ANKRD30B: variants seen among roughly 807,000 people sequenced by gnomAD.
The protein encoded by ANKRD30B is ankyrin repeat domain-containing protein 30B.
ANKRD30B carries 144 observed loss-of-function variants against 202.2 expected under a neutral mutation model. That is an observed-to-expected ratio of 0.71 (90% CI 0.62 to 0.82). ANKRD30B has a LOEUF of 0.82. Among genes scored for constraint, ANKRD30B ranks in the 40% least tolerant of loss-of-function variants. ANKRD30B has a pLI of 0.00. For synonymous variants in ANKRD30B, 508 were observed against 561.3 expected, an observed-to-expected ratio of 0.91 and a Z score of 1.34; for missense variants, 1,487 against 1,669.1, an observed-to-expected ratio of 0.89 and a Z score of 1.90.
At chr18:14,796,003 T>A (rs1360713061) in intron 16 of ANKRD30B, among the ~76,000 whole-genome samples, 1 of 152,168 alleles carries the variant, frequency 6.6e-6, no homozygotes, top group Non-Finnish European at 1.5e-5. Context: ...AAAATCTCCA[T>A]AGCAAGTTTG....
At chr18:14,822,224 T>A (rs1970457093) in intron 30 of ANKRD30B, among the ~76,000 whole-genome samples, 1 of 152,160 alleles carries the variant, frequency 6.6e-6, no homozygotes, top group Non-Finnish European at 1.5e-5. Flanking sequence ...TCTGCTTTAG[T>A]TAATGTCACT....
At chr18:14,938,755 G>C in the ANKRD30B span, among the ~76,000 whole-genome samples, 1 of 152,244 alleles carries the variant, frequency 6.6e-6, no homozygotes, top group East Asian at 1.9e-4. Context: ...GACTGTAAGA[G>C]GGGGACAAGA....
At chr18:14,897,332 C>T in the ANKRD30B span, among the ~76,000 whole-genome samples, 1 of 152,076 alleles carries the variant, frequency 6.6e-6, no homozygotes, top group Non-Finnish European at 1.5e-5. Flanking sequence ...AGGCATGCAC[C>T]ACCACGCGCG....
the ANKRD30B span, among the ~76,000 whole-genome samples, chr18:14,936,061 C>T: frequency 1.2e-3 from 187 of 152,338 alleles, no homozygotes; most frequent in African/African-American, 4.2e-3. Flanking sequence ...AACCTGAGCG[C>T]TTGAAGAGCC....
the ANKRD30B span, among the ~76,000 whole-genome samples, chr18:14,919,290 G>A: frequency 2.6e-5 from 4 of 152,248 alleles, no homozygotes; most frequent in South Asian, 6.2e-4. Context: ...TCCTTCACCC[G>A]CATTTGGTAG....
downstream of ANKRD30B, among the ~76,000 whole-genome samples, chr18:14,855,720 A>T (rs949603642): frequency 6.8e-6 from 1 of 146,252 alleles, no homozygotes; most frequent in African/African-American, 2.6e-5. Context: ...GGCTGGGCAG[A>T]GGTGCTCCTC....
the ANKRD30B span, among the ~76,000 whole-genome samples, chr18:14,919,312 C>A: frequency 1.3e-5 from 2 of 152,224 alleles, no homozygotes; most frequent in African/African-American, 4.8e-5. Context: ...CCTGACAGGA[C>A]TCAGAAGCCA....
At chr18:14,870,526 G>A in the ANKRD30B span, among the ~76,000 whole-genome samples, 1 of 152,156 alleles carries the variant, frequency 6.6e-6, no homozygotes, top group African/African-American at 2.4e-5. Context: ...GTCCAAAGGG[G>A]AACACTTCCC....
chr18:14,787,041 C>G lies in ANKRD30B; in HGVS notation c.1675C>G (p.Gln559Glu). Reference protein sequence around the residue: ...LKNEQTLRAAQMFPSESKQKD... With the variant: ...LKNEQTLRAAEMFPSESKQKD... The stretch of plus-strand genomic sequence containing the variant: ...CATCTGTGATTAACCTTTTATAGCT[C>G]AGATGTTCCCATCAGAATCCAAACA... The change falls in exon 15 of 44, where the codon CAG (glutamine) becomes GAG (glutamate). Residue 559 changes from glutamine to glutamate, a missense_variant and splice_region_variant. Coordinates refer to ENST00000690538, the MANE Select transcript of ANKRD30B (RefSeq NM_001367607.2). 6.2e-7 allele frequency: 1 copy of G among 1,608,846 alleles called. No individual in the cohort carries two copies. Among genetic ancestry groups the G allele is most frequent in the Non-Finnish European group, 8.5e-7 (1 of 1,176,754 alleles).
chr18:14,800,655 C>T (rs925595704), intron 22 of ANKRD30B, among the ~76,000 whole-genome samples: 8 of 144,666 alleles, frequency 5.5e-5, no homozygotes, highest in Admixed American at 4.1e-4. Context: ...CCATTTATTG[C>T]CTAGAAGTAA....
At chr18:14,795,764 A>G (rs1336008699) in intron 16 of ANKRD30B, among the ~76,000 whole-genome samples, 2 of 152,190 alleles carry the variant, frequency 1.3e-5, no homozygotes, top group African/African-American at 2.4e-5. Context: ...ATTGAAGAAC[A>G]TAATAGCTAC....
intron 22 of ANKRD30B, among the ~76,000 whole-genome samples, chr18:14,800,009 T>C (rs1969209697): frequency 6.6e-6 from 1 of 151,852 alleles, no homozygotes; most frequent in Non-Finnish European, 1.5e-5. Context: ...GGTGGGCAGA[T>C]TACTTAAGGT....
chr18:14,776,428 A>G (rs1470628256), intron 9 of ANKRD30B, among the ~76,000 whole-genome samples: 2 of 152,318 alleles, frequency 1.3e-5, no homozygotes, highest in Non-Finnish European at 1.5e-5. Flanking sequence ...CTATGGTCAG[A>G]GTAGATCTTT....
At chr18:14,753,125 T>A in intron 3 of ANKRD30B, 113 bp downstream of exon 3, 1 of 842,672 alleles carries the variant, frequency 1.2e-6, no homozygotes, top group Non-Finnish European at 1.7e-6. Context: ...TGAAAATAAT[T>A]TGAAAGAACT....
At position 14,810,033 on chromosome 18, in the gene ANKRD30B, T is replaced by G. The variant is rs781548504; in HGVS notation, c.2415+19T>G. The G allele has an allele frequency of 1.4e-6, 2 of 1,450,414 alleles. No homozygotes were observed. The highest frequency in any genetic ancestry group is 2.3e-5 in the South Asian group (2 of 86,812). 89.8% of individuals were successfully genotyped at this position (1,450,414 alleles called of 1,614,324 possible). A position where few individuals can be genotyped will look rare whatever the true frequency, so the allele number is the denominator to read the frequency against. On this transcript the variant is annotated intron_variant, in intron 27 of 43. Transcript: ENST00000690538. ...TCTGAAGGTAATAACTTTTATATTTTTATCTTGAATATTACCTACATATTT... is the reference window on the plus strand; with the variant it reads ...TCTGAAGGTAATAACTTTTATATTTGTATCTTGAATATTACCTACATATTT...
the ANKRD30B span, among the ~76,000 whole-genome samples, chr18:14,936,993 C>T: frequency 2.0e-5 from 3 of 152,162 alleles, no homozygotes; most frequent in Non-Finnish European, 2.9e-5. Flanking sequence ...ACTAGGACCC[C>T]GCTGGGTCCC....
At chr18:14,825,462 C>T (rs1269950162) in intron 32 of ANKRD30B, among the ~76,000 whole-genome samples, 3 of 152,020 alleles carry the variant, frequency 2.0e-5, no homozygotes, top group Non-Finnish European at 4.4e-5. Flanking sequence ...AGCAATCATG[C>T]ACCCTCGGAT....
At position 14,851,522 on chromosome 18, in the gene ANKRD30B, A is replaced by G. The variant is rs771000927; in HGVS notation, c.3578A>G (p.His1193Arg). 3.9e-6 allele frequency: 6 copies of G among 1,539,012 alleles called. No individual in the cohort carries two copies. Among genetic ancestry groups the G allele is most frequent in the East Asian group, 2.3e-5 (1 of 43,612 alleles). ...TGTTTTATTTAGGTTTCTCACACTC[A>G]TGAAAGTGAAAATGATCTCTTTCAT... is the stretch of plus-strand genomic sequence containing the variant. ...TSNLNQVSHT[H>R]ESENDLFHEN... Residue 1193 changes from histidine to arginine, a missense_variant, in exon 42 of 44, where the codon CAT (histidine) becomes CGT (arginine). Around this residue, in one of 6 missense-constraint regions of ANKRD30B, gnomAD observed 177 missense variants for 216.4 expected, o/e 0.82. Coordinates refer to ENST00000690538, the MANE Select transcript of ANKRD30B (RefSeq NM_001367607.2).
intron 20 of ANKRD30B, among the ~76,000 whole-genome samples, chr18:14,798,732 C>A (rs567808233): frequency 3.9e-5 from 6 of 152,116 alleles, no homozygotes; most frequent in East Asian, 1.9e-4. Context: ...GGGATAGGAA[C>A]CTTGGTGATG....
Sources: gnomAD v4.1 joint callset for allele counts (sites outside exome capture counted in the v4.1 genomes callset) on GRCh38, gnomAD v4.1.1 for gene constraint, gnomAD v4.1.1 regional missense constraint, MANE v1.5 for transcripts, NCBI Gene and HGNC (gene_info 2026-07-23, HGNC 2026-07-21) for gene names.